ANKFN1: variants seen among roughly 807,000 people sequenced by gnomAD.
ANKFN1 encodes the protein ankyrin repeat and fibronectin type-III domain-containing protein 1.
A neutral mutation model predicts 108.7 loss-of-function variants in ANKFN1; 74 were observed. The observed-to-expected ratio is 0.68, with a 90% CI of 0.56 to 0.83. The LOEUF is 0.83. Ranked by LOEUF, ANKFN1 falls within the 40% of genes least tolerant of loss-of-function variation. ANKFN1 has a pLI of 0.00. For missense variants in ANKFN1, 1,505 were observed against 1,382.3 expected, an observed-to-expected ratio of 1.09 and a Z score of -1.41; for synonymous variants, 547 against 516.2, an observed-to-expected ratio of 1.06 and a Z score of -0.81.
chr17:56,068,905 C>G (rs962241219), intron 4 of ANKFN1, among the ~76,000 whole-genome samples: 5 of 152,152 alleles, frequency 3.3e-5, no homozygotes, highest in African/African-American at 9.7e-5. Context: ...CTAAAACCCT[C>G]TTTGAAATCT....
chr17:56,381,955 G>A (rs1249703969), intron 8 of ANKFN1, among the ~76,000 whole-genome samples: 8 of 151,934 alleles, frequency 5.3e-5, no homozygotes, highest in African/African-American at 1.5e-4. Context: ...GATACTCCTC[G>A]AGAAGAGCAA....
At chr17:56,331,697 T>C (rs1207018108) in intron 4 of ANKFN1, among the ~76,000 whole-genome samples, 1 of 152,200 alleles carries the variant, frequency 6.6e-6, no homozygotes, top group East Asian at 1.9e-4. Context: ...TTAGCTAACC[T>C]CTCTGGGCCT....
chr17:56,437,973 G>GGTGTGTGTGTGT (rs150040769), intron 8 of ANKFN1, among the ~76,000 whole-genome samples: 2,127 of 142,224 alleles, frequency 0.015, 47 homozygotes, highest in Admixed American at 0.058. Flanking sequence ...ATCTACTGTA[G>GGTGTGTGTGTGT]GTGTGTGTGT....
rs781353348 is a variant in ANKFN1 at position 56,492,348 on chromosome 17, ATT to A, written c.2423_2424del (p.Ile808ThrfsTer5). ...KQRHQQVLDF[I>X]QQIDEVWREM... is the part of the protein sequence containing the mutation. Reference sequence around the variant, plus strand: ...AAGACACCAGCAAGTTTTAGATTTCATTCAGGTAATTGTTTGTTCCTTCTGGG... The same window carrying A: ...AAGACACCAGCAAGTTTTAGATTTCACAGGTAATTGTTTGTTCCTTCTGGG... On this transcript the variant is annotated frameshift_variant, in exon 19 of 21. Transcript: ENST00000682825. LOFTEE classifies it high-confidence loss of function. 1 of 702,064 alleles carries A rather than the reference ATT, an allele frequency of 1.4e-6. No homozygotes were observed. Among genetic ancestry groups the A allele is most frequent in the African/African-American group, 1.7e-5 (1 of 57,196 alleles). 43.5% of individuals were successfully genotyped at this position (702,064 alleles called of 1,614,324 possible).
intron 8 of ANKFN1, among the ~76,000 whole-genome samples, chr17:56,392,715 T>C (rs1437322845): frequency 6.6e-6 from 1 of 152,188 alleles, no homozygotes; most frequent in Non-Finnish European, 1.5e-5. Flanking sequence ...TGATTTACAG[T>C]CTGGCCAATA....
intron 14 of ANKFN1, among the ~76,000 whole-genome samples, chr17:56,459,786 TG>T (rs1321279362): frequency 1.3e-5 from 2 of 152,058 alleles, no homozygotes; most frequent in African/African-American, 4.8e-5. Flanking sequence ...AGACGCTGAG[TG>T]ATGCAATGAT....
At chr17:56,120,867 A>G (rs1906573123) in intron 4 of ANKFN1, among the ~76,000 whole-genome samples, 1 of 152,120 alleles carries the variant, frequency 6.6e-6, no homozygotes, top group Admixed American at 6.6e-5. Context: ...TCAAAACTCT[A>G]ATATCGGTTT....
intron 4 of ANKFN1, among the ~76,000 whole-genome samples, 194 bp downstream of exon 4, chr17:56,326,549 C>T (rs918891750): frequency 1.3e-5 from 2 of 152,236 alleles, no homozygotes; most frequent in African/African-American, 4.8e-5. Context: ...ATTGTACATA[C>T]ACGTCCCTGT....
chr17:56,336,736 CTTAG>C (rs2045821999), intron 4 of ANKFN1, among the ~76,000 whole-genome samples: 1 of 151,964 alleles, frequency 6.6e-6, no homozygotes, highest in African/African-American at 2.4e-5. Context: ...CTGCTCTGAT[CTTAG>C]TTATTTATTG....
chr17:56,187,285 A>T (rs1404232957), intron 1 of ANKFN1, among the ~76,000 whole-genome samples: 1 of 152,228 alleles, frequency 6.6e-6, no homozygotes, highest in Non-Finnish European at 1.5e-5. Context: ...GGATATGAAC[A>T]GACACTTCTC....
At chr17:56,185,407 T>A (rs1912093660) in intron 1 of ANKFN1, among the ~76,000 whole-genome samples, 1 of 152,124 alleles carries the variant, frequency 6.6e-6, no homozygotes, top group South Asian at 2.1e-4. Context: ...TAGGACAGGG[T>A]CTCCATAACC....
At chr17:56,176,497 G>A (rs183537935) in intron 1 of ANKFN1, among the ~76,000 whole-genome samples, 21 of 152,296 alleles carry the variant, frequency 1.4e-4, no homozygotes, top group South Asian at 2.1e-4. Context: ...CATTCAATGC[G>A]CACAAGGAGT....
At chr17:56,213,266 G>C (rs1169503022) in intron 2 of ANKFN1, among the ~76,000 whole-genome samples, 2 of 152,156 alleles carry the variant, frequency 1.3e-5, no homozygotes, top group Non-Finnish European at 2.9e-5. Context: ...AGGCTGAAAA[G>C]CTGGCCCCAA....
At position 56,061,265 on chromosome 17, in the gene ANKFN1, C is replaced by CTTTTTT. The variant is rs71137190; in HGVS notation, c.288+14958_288+14963dup. Among the ~76,000 whole-genome samples, 165 of 72,928 alleles carry CTTTTTT rather than the reference C, an allele frequency of 2.3e-3. 7 individuals are homozygous for CTTTTTT. The highest frequency in any genetic ancestry group is 4.4e-3 in the African/African-American group (79 of 17,892). 47.8% of individuals were successfully genotyped at this position (72,928 alleles called of 152,430 possible). A position where few individuals can be genotyped will look rare whatever the true frequency, so the allele number is the denominator to read the frequency against. On this transcript the variant is annotated intron_variant, in intron 4 of 12. Transcript: ENST00000635860. ...TCTGATTTCTCTGATGGTAGTTTTT[C>CTTTTTT]TTTTTTTTTTTTTTTTTTTTTTTGA...
At chr17:56,146,624 T>C (rs1908275170) in intron 4 of ANKFN1, among the ~76,000 whole-genome samples, 1 of 152,218 alleles carries the variant, frequency 6.6e-6, no homozygotes, top group Non-Finnish European at 1.5e-5. Flanking sequence ...GCCTGAGCTG[T>C]GCATTGGCCC....
At chr17:56,155,696 C>T (rs529282206) in intron 1 of ANKFN1, among the ~76,000 whole-genome samples, 1 of 152,078 alleles carries the variant, frequency 6.6e-6, no homozygotes, top group Admixed American at 6.5e-5. Flanking sequence ...AAGCAAGGTG[C>T]CTGGGGCAGA....
intron 4 of ANKFN1, among the ~76,000 whole-genome samples, chr17:56,132,727 C>T (rs62072972): frequency 0.058 from 8,764 of 152,152 alleles, 325 homozygotes; most frequent in Middle Eastern, 0.099. Flanking sequence ...TGAGGGCGCT[C>T]TTCTGGGTTG....
intron 1 of ANKFN1, among the ~76,000 whole-genome samples, chr17:56,169,225 A>T (rs1368334528): frequency 6.6e-6 from 1 of 152,136 alleles, no homozygotes; most frequent in Non-Finnish European, 1.5e-5. Flanking sequence ...CTGGCAGGAA[A>T]AATTTAATTT....
chr17:56,335,143 C>T (rs1323160536), intron 4 of ANKFN1, among the ~76,000 whole-genome samples: 1 of 152,138 alleles, frequency 6.6e-6, no homozygotes, highest in Non-Finnish European at 1.5e-5. Context: ...AGTTTGAAGT[C>T]AGGTAGCATG....
Sources: gnomAD v4.1 joint callset for allele counts (sites outside exome capture counted in the v4.1 genomes callset) on GRCh38, gnomAD v4.1.1 for gene constraint, MANE v1.5 for transcripts, NCBI Gene and HGNC (gene_info 2026-07-23, HGNC 2026-07-21) for gene names.